CNGB1: variants seen among roughly 807,000 people sequenced by gnomAD.
CNGB1 encodes cyclic nucleotide gated channel subunit beta 1, also known as cyclic nucleotide-gated channel beta-1.
A neutral mutation model predicts 151.7 loss-of-function variants in CNGB1; 126 were observed. That is an observed-to-expected ratio of 0.83 (90% CI 0.72 to 0.96). The LOEUF (loss-of-function observed/expected upper bound fraction) is 0.96, where lower values mean the gene tolerates loss of function less well. CNGB1 is among the 40% of genes least tolerant of loss of function. The pLI is 0.00. For synonymous variants in CNGB1, 623 were observed against 635.1 expected (o/e 0.98, Z 0.29); for missense variants, 1,698 against 1,627.0 (o/e 1.04, Z -0.75).
At chr16:57,962,820 C>G in intron 6 of CNGB1, 22 bp downstream of exon 6, 1 of 1,612,612 alleles carries the variant, frequency 6.2e-7, no homozygotes, top group Non-Finnish European at 8.5e-7. Flanking sequence ...TGCTGAAAAG[C>G]CATCCTGCCC....
At chr16:57,941,909 T>G (rs1961678212) in intron 14 of CNGB1, among the ~76,000 whole-genome samples, 1 of 152,176 alleles carries the variant, frequency 6.6e-6, no homozygotes, top group Non-Finnish European at 1.5e-5. Flanking sequence ...TGGAGTACAA[T>G]GGCATGATCA....
chr16:57,931,916 A>G (rs745417909), intron 16 of CNGB1, 38 bp from the exon 17 acceptor site: 4 of 1,611,698 alleles, frequency 2.5e-6, no homozygotes, highest in Admixed American at 1.7e-5. Context: ...TCAGAGAGAG[A>G]CAAAAGCTGG....
chr16:57,934,519 C>G (rs370940421), intron 16 of CNGB1, among the ~76,000 whole-genome samples: 6 of 152,336 alleles, frequency 3.9e-5, no homozygotes, highest in African/African-American at 1.4e-4. Flanking sequence ...CTAGAATCAT[C>G]ATGTACTCTA....
At chr16:57,956,031 G>C (rs1422842285) in intron 12 of CNGB1, among the ~76,000 whole-genome samples, 1 of 152,170 alleles carries the variant, frequency 6.6e-6, no homozygotes, top group African/African-American at 2.4e-5. Flanking sequence ...TGGCCACCCA[G>C]CGTCCACCCA....
intron 20 of CNGB1, 53 bp from the exon 21 acceptor site, chr16:57,917,529 A>G: frequency 6.4e-7 from 1 of 1,572,436 alleles, no homozygotes; most frequent in South Asian, 1.1e-5. Flanking sequence ...AAGGCTCTTC[A>G]CCAGTTGGAT....
At chr16:57,963,994 T>C (rs1201169518) in intron 4 of CNGB1, 136 bp downstream of exon 4, 1 of 760,306 alleles carries the variant, frequency 1.3e-6, no homozygotes, top group Non-Finnish European at 2.1e-6. Context: ...ATTCCCAGGA[T>C]GTCCCAGGGC....
chr16:57,931,673 G>T, intron 17 of CNGB1, 43 bp downstream of exon 17: 1 of 1,606,850 alleles, frequency 6.2e-7, no homozygotes, highest in Non-Finnish European at 8.5e-7. Flanking sequence ...ATAAACAGGT[G>T]GCACAGTGCC....
rs763805266 is a variant in CNGB1, at chr16:57,884,215, C to T, written c.3705G>A (p.Glu1235=). 2 of 1,613,876 alleles carry T rather than the reference C, an allele frequency of 1.2e-6. No homozygotes were observed. ...CCGGCATCTTCACCGACAGGATCTG[C>T]TCTCCCGGCTCCGGGCCCGGGCTCA... ...ICMSPGPEPG[E]QILSVKMPEE... The change falls in exon 33 of 33, where the codon GAG becomes GAA. Residue 1235 remains glutamate, a synonymous_variant. Coordinates refer to ENST00000251102, the MANE Select transcript of CNGB1 (RefSeq NM_001297.5).
intron 25 of CNGB1, among the ~76,000 whole-genome samples, chr16:57,905,085 T>C (rs1960509361): frequency 6.6e-6 from 1 of 152,208 alleles, no homozygotes; most frequent in Non-Finnish European, 1.5e-5. Context: ...GGTATGGTTG[T>C]GTCTCTAGGG....
intron 14 of CNGB1, among the ~76,000 whole-genome samples, chr16:57,948,178 A>C (rs1961855035): frequency 6.6e-6 from 1 of 152,102 alleles, no homozygotes; most frequent in South Asian, 2.1e-4. Context: ...TCCCTGACTC[A>C]ATCTTTCTCC....
chr16:57,905,201 C>T (rs1596964202), intron 25 of CNGB1, among the ~76,000 whole-genome samples: 1 of 152,212 alleles, frequency 6.6e-6, no homozygotes, highest in Admixed American at 6.5e-5. Flanking sequence ...CTAATGACCG[C>T]ACTCCCTCAA....
intron 31 of CNGB1, among the ~76,000 whole-genome samples, chr16:57,892,072 CA>C (rs34104252): frequency 0.39 from 37,819 of 96,270 alleles, 6,158 homozygotes; most frequent in East Asian, 0.53. Context: ...CACAAAAATG[CA>C]AAAAAAAAAA....
rs1388119589 is a variant in CNGB1 at position 57,958,553 on chromosome 16, G to A, written c.762-68C>T. 5 of 1,406,676 alleles carry A rather than the reference G, an allele frequency of 3.6e-6. No homozygotes were observed. The African/African-American group carries it at 4.2e-5, about 12-fold the overall frequency. 87.1% of individuals were successfully genotyped at this position (1,406,676 alleles called of 1,614,324 possible). ...CATGGGTAAACTGAGGCTGGAGTCA[G>A]CTCGTTCCCAAGGCAGAAAACAAGC... is the stretch of plus-strand genomic sequence containing the variant. On this transcript the variant is annotated intron_variant, in intron 10 of 32. Coordinates refer to ENST00000251102, the MANE Select transcript of CNGB1 (RefSeq NM_001297.5).
chr16:57,952,493 CTTTTTTTTTTTTT>C (rs10598722), intron 12 of CNGB1, among the ~76,000 whole-genome samples: 3 of 62,100 alleles, frequency 4.8e-5, no homozygotes, highest in Non-Finnish European at 8.5e-5. Flanking sequence ...CAAGCATTTC[CTTTTTTTTTTTTT>C]TTTTTTTTTT....
chr16:57,964,839 G>T (rs117344026), intron 2 of CNGB1, among the ~76,000 whole-genome samples: 2,927 of 152,284 alleles, frequency 0.019, 49 homozygotes, highest in Non-Finnish European at 0.033. Flanking sequence ...CACTTCAGTG[G>T]CCTGAGAGGA....
chr16:57,962,259 C>T lies in CNGB1; in HGVS notation c.458+306G>A, dbSNP rs148524376. ...CCAAGCCCTGCTTCCAGGCTCCACACGGAGCCTACCTACATGAAGCCCACC... is the reference window on the plus strand; with the variant it reads ...CCAAGCCCTGCTTCCAGGCTCCACATGGAGCCTACCTACATGAAGCCCACC... On this transcript the variant is annotated intron_variant, in intron 7 of 32. Coordinates refer to ENST00000251102, the MANE Select transcript of CNGB1 (RefSeq NM_001297.5). 1.2e-3 allele frequency among the ~76,000 whole-genome samples: 182 copies of T among 152,310 alleles called. 1 individual carries two copies. Among genetic ancestry groups the T allele is most frequent in the African/African-American group, 4.1e-3 (169 of 41,572 alleles).
At chr16:57,955,586 T>C (rs556106248) in intron 12 of CNGB1, among the ~76,000 whole-genome samples, 2 of 152,314 alleles carry the variant, frequency 1.3e-5, no homozygotes, top group South Asian at 2.1e-4. Flanking sequence ...TGTGACCTTA[T>C]TTGGAAATAG....
intron 25 of CNGB1, among the ~76,000 whole-genome samples, 183 bp from the exon 26 acceptor site, chr16:57,905,058 G>T (rs1436285738): frequency 2.7e-5 from 4 of 150,746 alleles, no homozygotes; most frequent in South Asian, 2.1e-4. Context: ...TGCAGAGCAG[G>T]TTCACAAATG....
intron 16 of CNGB1, among the ~76,000 whole-genome samples, chr16:57,933,344 T>C (rs1181493318): frequency 3.3e-5 from 5 of 152,210 alleles, no homozygotes; most frequent in African/African-American, 9.6e-5. Flanking sequence ...GGTTATGTCC[T>C]TGTTCTTGTA....
Sources: gnomAD v4.1 joint callset for allele counts (sites outside exome capture counted in the v4.1 genomes callset) on GRCh38, gnomAD v4.1.1 for gene constraint, MANE v1.5 for transcripts, NCBI Gene and HGNC (gene_info 2026-07-23, HGNC 2026-07-21) for gene names.